MYOM2: variants seen among roughly 807,000 people sequenced by gnomAD.
MYOM2 encodes myomesin-2.
A neutral mutation model predicts 187.6 loss-of-function variants in MYOM2; 254 were observed. The ratio of observed to expected loss-of-function variants is 1.35; its 90% CI spans 1.22 to 1.50. The LOEUF (loss-of-function observed/expected upper bound fraction) is 1.50, where lower values mean the gene tolerates loss of function less well. MYOM2 is among the 40% of genes most tolerant of loss of function. MYOM2 has a pLI of 0.00. For missense variants in MYOM2, 2,796 were observed against 1,924.0 expected (o/e 1.45, Z -8.48); for synonymous variants, 981 against 753.8 (o/e 1.30, Z -4.94).
chr8:2,084,065 C>A (rs1483503332), intron 13 of MYOM2, among the ~76,000 whole-genome samples: 3 of 152,226 alleles, frequency 2.0e-5, no homozygotes, highest in African/African-American at 7.2e-5. Flanking sequence ...TGAAATAAAC[C>A]AGGATTCAGT....
chr8:2,123,685 T>G, intron 30 of MYOM2, 43 bp downstream of exon 30: 2 of 1,544,464 alleles, frequency 1.3e-6, no homozygotes, highest in Non-Finnish European at 1.8e-6. Context: ...GAAATTCCTT[T>G]CACCAACAGG....
At chr8:2,090,270 A>G (rs1419877066) in intron 15 of MYOM2, 79 bp downstream of exon 15, 5 of 1,374,946 alleles carry the variant, frequency 3.6e-6, no homozygotes, top group Non-Finnish European at 5.0e-6. Context: ...AATTGTGTGA[A>G]TAAAGACATT....
intron 32 of MYOM2, 23 bp downstream of exon 32, chr8:2,129,255 G>A: frequency 6.5e-7 from 1 of 1,547,642 alleles, no homozygotes; most frequent in Admixed American, 1.7e-5. Context: ...GCAGCCGATG[G>A]AGGCCATGCC....
chr8:2,083,006 G>T (rs1052144119), intron 13 of MYOM2, among the ~76,000 whole-genome samples: 2 of 152,146 alleles, frequency 1.3e-5, no homozygotes, highest in Non-Finnish European at 2.9e-5. Context: ...TTAGGAAAGT[G>T]ATATGTTTTT....
chr8:2,144,390 T>C (rs1259297398), intron 36 of MYOM2, among the ~76,000 whole-genome samples: 1 of 152,214 alleles, frequency 6.6e-6, no homozygotes, highest in Non-Finnish European at 1.5e-5. Context: ...AATTCTTTAA[T>C]TGACTTAGGC....
chr8:2,074,533 C>T (rs1332026927), intron 10 of MYOM2, among the ~76,000 whole-genome samples: 3 of 152,146 alleles, frequency 2.0e-5, no homozygotes, highest in African/African-American at 7.2e-5. Context: ...CGGCTCACTG[C>T]AACCTCCGCC....
intron 21 of MYOM2, among the ~76,000 whole-genome samples, chr8:2,104,880 A>G (rs1231098715): frequency 6.6e-6 from 1 of 152,218 alleles, no homozygotes; most frequent in Admixed American, 6.5e-5. Flanking sequence ...GAATCTACCC[A>G]GTCTTTCCAG....
At chr8:2,048,173 C>T (rs998288455) in intron 1 of MYOM2, among the ~76,000 whole-genome samples, 50 of 152,360 alleles carry the variant, frequency 3.3e-4, no homozygotes, top group African/African-American at 1.2e-3. Context: ...TGAGCCCCTG[C>T]TGCAATAGCA....
intron 8 of MYOM2, among the ~76,000 whole-genome samples, chr8:2,072,097 G>A (rs779474105): frequency 7.2e-5 from 11 of 152,266 alleles, no homozygotes; most frequent in Admixed American, 1.3e-4. Flanking sequence ...GTGCTTTTGC[G>A]GTGACGGTCT....
In MYOM2 at chr8:2,143,476, C is replaced by G. The variant is rs1277042691; in HGVS notation, c.4080+20C>G. On this transcript the variant is annotated intron_variant, in intron 36 of 36. Coordinates refer to ENST00000262113, the MANE Select transcript of MYOM2 (RefSeq NM_003970.4). Reference sequence around the variant, plus strand: ...GGGAAGGTGAGGATTCTAAACTCGGCCGGGGTGGGGGTGTCAGCACGGTGC... The same window carrying G: ...GGGAAGGTGAGGATTCTAAACTCGGGCGGGGTGGGGGTGTCAGCACGGTGC... 7 of 1,613,934 alleles carry G rather than the reference C, an allele frequency of 4.3e-6. No individual in the cohort carries two copies. In the East Asian group the frequency reaches 1.6e-4, roughly 36 times the overall value.
intron 13 of MYOM2, chr8:2,085,000 A>G (rs759803717): frequency 1.3e-4 from 56 of 435,112 alleles, no homozygotes; most frequent in Non-Finnish European, 2.1e-4. Flanking sequence ...CTCTTCCAAC[A>G]GAATCTCTGG....
chr8:2,060,989 T>TC (rs1818834487), intron 6 of MYOM2, among the ~76,000 whole-genome samples: 3 of 151,864 alleles, frequency 2.0e-5, no homozygotes, highest in Admixed American at 1.3e-4. Flanking sequence ...CGGCCGAGCC[T>TC]CCCCAGCAGG....
intron 16 of MYOM2, among the ~76,000 whole-genome samples, chr8:2,093,234 A>G (rs1796370310): frequency 6.6e-6 from 1 of 152,264 alleles, no homozygotes; most frequent in Non-Finnish European, 1.5e-5. Context: ...ATGTCATTGA[A>G]AAGAATAACA....
At chr8:2,101,132 G>A in intron 20 of MYOM2, 78 bp downstream of exon 20, 2 of 1,482,322 alleles carry the variant, frequency 1.3e-6, no homozygotes, top group African/African-American at 1.4e-5. Context: ...AATCACTTGA[G>A]GTCAGGAGTT....
At position 2,085,266 on chromosome 8, in the gene MYOM2, A is replaced by G; in HGVS notation, c.1520A>G (p.Asp507Gly). Residue 507 changes from aspartate (D) to glycine (G), a missense_variant, in exon 14 of 37, where the codon GAC becomes GGC. Physicochemically the swap from Asp to Gly is moderately conservative, Grantham distance 94. Coordinates refer to ENST00000262113, the MANE Select transcript of MYOM2 (RefSeq NM_003970.4). Reference protein sequence around the residue: ...IAIYQDDLEGDAQVPGPPTGV... With the variant: ...IAIYQDDLEGGAQVPGPPTGV... ...ACCGAATTTATTATTCCTCCAGGTG[A>G]CGCCCAGGTTCCAGGGCCTCCCACC... The G allele has an allele frequency of 2.5e-6, 4 of 1,613,928 alleles. No homozygotes were observed. The highest frequency in any genetic ancestry group is 2.2e-5 in the South Asian group (2 of 91,062).
chr8:2,060,782 A>G (rs945000331), intron 6 of MYOM2, among the ~76,000 whole-genome samples: 1 of 151,870 alleles, frequency 6.6e-6, no homozygotes, highest in Non-Finnish European at 1.5e-5. Flanking sequence ...TATACATTGG[A>G]TCCTGTTAAA....
chr8:2,108,744 G>A (rs377641651), intron 23 of MYOM2, 42 bp from the exon 24 acceptor site: 63 of 1,607,254 alleles, frequency 3.9e-5, no homozygotes, highest in Non-Finnish European at 5.2e-5. Flanking sequence ...ACTTCTCTAG[G>A]TGCAGGTCCA....
At chr8:2,126,050 T>C (rs1797624226) in intron 31 of MYOM2, among the ~76,000 whole-genome samples, 1 of 152,182 alleles carries the variant, frequency 6.6e-6, no homozygotes, top group Non-Finnish European at 1.5e-5. Context: ...TGTTAAAATA[T>C]CTCATAATGT....
rs772216619 is a variant in MYOM2 at position 2,057,339 on chromosome 8, C to A, written c.264-9C>A. 8.8e-6 allele frequency: 14 copies of A among 1,595,644 alleles called. No homozygotes were observed. In the South Asian group the frequency reaches 1.5e-4, roughly 17 times the overall value. ...TCCTGCAACTGAGGCTGCTTCTCGG[C>A]TCCTGCAGGTACCAGTCCCTGGTGG... On this transcript the variant is annotated splice_polypyrimidine_tract_variant and intron_variant, in intron 3 of 36. Transcript: ENST00000262113.
Sources: allele counts gnomAD v4.1 joint callset (sites outside exome capture counted in the v4.1 genomes callset), GRCh38; gene constraint gnomAD v4.1.1; transcripts MANE v1.5; gene names NCBI Gene and HGNC (gene_info 2026-07-23, HGNC 2026-07-21).